ROBO2: variants seen among roughly 807,000 people sequenced by gnomAD.
ROBO2 encodes roundabout homolog 2.
ROBO2 carries 53 observed loss-of-function variants against 160.8 expected under a neutral mutation model. The ratio of observed to expected loss-of-function variants is 0.33; its 90% confidence interval spans 0.26 to 0.41. The LOEUF (loss-of-function observed/expected upper bound fraction) is 0.41, where lower values mean the gene tolerates loss of function less well. Ranked by LOEUF, ROBO2 falls within the 10% of genes least tolerant of loss-of-function variation. The pLI is 1.00. For synonymous variants in ROBO2, 664 were observed against 611.7 expected (o/e 1.09, Z -1.26); for missense variants, 1,577 against 1,722.4 (o/e 0.92, Z 1.49).
intron 2 of ROBO2, among the ~76,000 whole-genome samples, chr3:77,027,737 C>A (rs1000543497): frequency 6.6e-6 from 1 of 152,058 alleles, no homozygotes; most frequent in Non-Finnish European, 1.5e-5. Context: ...TAGCCAAGCA[C>A]CTGTACTGCT....
intron 2 of ROBO2, among the ~76,000 whole-genome samples, chr3:76,883,471 A>T (rs115904176): frequency 6.6e-6 from 1 of 152,292 alleles, no homozygotes; most frequent in African/African-American, 2.4e-5. Flanking sequence ...TGGGTTCTTC[A>T]TTCTAATCTT....
intron 2 of ROBO2, among the ~76,000 whole-genome samples, chr3:77,288,941 A>G (rs560626877): frequency 1.3e-5 from 2 of 152,300 alleles, no homozygotes; most frequent in Admixed American, 6.5e-5. Flanking sequence ...TTACGGCACC[A>G]TGTGAGACCT....
chr3:77,181,509 A>G (rs1052208304), intron 2 of ROBO2, among the ~76,000 whole-genome samples: 6 of 152,110 alleles, frequency 3.9e-5, no homozygotes, highest in Admixed American at 3.9e-4. Context: ...AGCATGGAAA[A>G]TTAAAGAAAA....
chr3:75,958,248 C>A (rs1559783831), intron 2 of ROBO2, among the ~76,000 whole-genome samples: 1 of 151,752 alleles, frequency 6.6e-6, no homozygotes, highest in Non-Finnish European at 1.5e-5. Context: ...TTCACACATA[C>A]AATATGCTCA....
chr3:76,249,610 G>A (rs1021109562), intron 2 of ROBO2, among the ~76,000 whole-genome samples: 2 of 152,102 alleles, frequency 1.3e-5, no homozygotes, highest in Admixed American at 1.3e-4. Flanking sequence ...AATGATTAGT[G>A]CTTTTAGCTA....
chr3:76,073,091 G>C (rs2068516064), intron 2 of ROBO2, among the ~76,000 whole-genome samples: 1 of 151,784 alleles, frequency 6.6e-6, no homozygotes, highest in South Asian at 2.1e-4. Context: ...AAGGTGAGTA[G>C]TCTGATCTGC....
intron 2 of ROBO2, among the ~76,000 whole-genome samples, chr3:77,106,656 G>T (rs917495452): frequency 6.6e-6 from 1 of 152,098 alleles, no homozygotes; most frequent in South Asian, 2.1e-4. Flanking sequence ...TTGCTTTATA[G>T]ATGTTTCTAA....
At chr3:76,560,810 T>C (rs2084126720) in intron 2 of ROBO2, among the ~76,000 whole-genome samples, 1 of 150,252 alleles carries the variant, frequency 6.7e-6, no homozygotes, top group Non-Finnish European at 1.5e-5. Flanking sequence ...TTTTGTCCCA[T>C]GCACCAAACC....
chr3:77,000,701 G>A (rs2061292957), intron 2 of ROBO2, among the ~76,000 whole-genome samples: 2 of 152,060 alleles, frequency 1.3e-5, no homozygotes, highest in Admixed American at 6.6e-5. Flanking sequence ...CAAGTACTTG[G>A]TAAACATTTT....
chr3:76,787,067 G>A (rs377217841), intron 2 of ROBO2, among the ~76,000 whole-genome samples: 1 of 150,940 alleles, frequency 6.6e-6, no homozygotes, highest in East Asian at 2.0e-4. Context: ...AAACAACCAG[G>A]TCTCATGAGA....
chr3:77,239,524 T>C (rs1222164411), intron 2 of ROBO2, among the ~76,000 whole-genome samples: 1 of 152,218 alleles, frequency 6.6e-6, no homozygotes, highest in Non-Finnish European at 1.5e-5. Context: ...GCCTTCCCAC[T>C]GCTGGCTCAG....
At chr3:77,132,929 G>T (rs2075980642) in intron 2 of ROBO2, among the ~76,000 whole-genome samples, 1 of 152,134 alleles carries the variant, frequency 6.6e-6, no homozygotes, top group Non-Finnish European at 1.5e-5. Flanking sequence ...TACATCTTAA[G>T]AGAGAGATGA....
chr3:77,534,750 T>G (rs1019732600), intron 6 of ROBO2, among the ~76,000 whole-genome samples: 3 of 152,188 alleles, frequency 2.0e-5, no homozygotes, highest in African/African-American at 4.8e-5. Context: ...AAGTATTGCT[T>G]TCCAGATTTA....
chr3:76,222,749 A>G (rs1357996201), intron 2 of ROBO2, among the ~76,000 whole-genome samples: 3 of 150,804 alleles, frequency 2.0e-5, no homozygotes, highest in Non-Finnish European at 3.0e-5. Flanking sequence ...TTGTTTCACC[A>G]TTATCCCACA....
chr3:77,430,579 C>T (rs1028114453), intron 2 of ROBO2, among the ~76,000 whole-genome samples: 7 of 151,994 alleles, frequency 4.6e-5, no homozygotes, highest in Admixed American at 3.9e-4. Context: ...AAGGATGATA[C>T]TAGATTATGA....
intron 2 of ROBO2, among the ~76,000 whole-genome samples, chr3:76,353,730 T>C (rs2075006975): frequency 6.6e-6 from 1 of 151,994 alleles, no homozygotes; most frequent in African/African-American, 2.4e-5. Flanking sequence ...AACATCACAT[T>C]GTGTTTATTG....
At chr3:76,888,894 A>C (rs1403126986) in intron 2 of ROBO2, among the ~76,000 whole-genome samples, 1 of 152,332 alleles carries the variant, frequency 6.6e-6, no homozygotes, top group South Asian at 2.1e-4. Flanking sequence ...GAAAAATATT[A>C]TCTGTTAAGG....
At chr3:76,154,143 AT>A (rs762002268) in intron 2 of ROBO2, among the ~76,000 whole-genome samples, 6 of 152,132 alleles carry the variant, frequency 3.9e-5, no homozygotes, top group Non-Finnish European at 8.8e-5. Flanking sequence ...ACATGAACAG[AT>A]ATTTCCAAAT....
chr3:76,119,963 T>TTCCG (rs1226934661), intron 2 of ROBO2, among the ~76,000 whole-genome samples: 68 of 140,462 alleles, frequency 4.8e-4, no homozygotes, highest in Non-Finnish European at 6.5e-4. Flanking sequence ...CCTTCCTTCC[T>TTCCG]TCCTTCCTTC....
Sources: allele counts gnomAD v4.1 joint callset (sites outside exome capture counted in the v4.1 genomes callset), GRCh38; gene constraint gnomAD v4.1.1; transcripts MANE v1.5; gene names NCBI Gene and HGNC (gene_info 2026-07-23, HGNC 2026-07-21).